Variants in PLA2R1 observed in about 807,000 individuals in gnomAD.
PLA2R1 encodes the protein secretory phospholipase A2 receptor.
Under a neutral mutation model 195.9 loss-of-function variants are expected in PLA2R1, and 158 were observed. The observed-to-expected ratio is 0.81, with a 90% CI of 0.71 to 0.92. The LOEUF (loss-of-function observed/expected upper bound fraction) is 0.92. Among genes scored for constraint, PLA2R1 ranks in the 40% least tolerant of loss-of-function variants. PLA2R1 has a pLI of 0.00. For missense variants in PLA2R1, 1,626 were observed against 1,764.6 expected (o/e 0.92, Z 1.41); for synonymous variants, 586 against 598.2 (o/e 0.98, Z 0.30).
chr2:160,060,275 G>A (rs1400586390), intron 1 of PLA2R1, among the ~76,000 whole-genome samples: 1 of 152,210 alleles, frequency 6.6e-6, no homozygotes, highest in African/African-American at 2.4e-5. Flanking sequence ...GGTAAACTGA[G>A]GCACCCCAAA....
chr2:160,013,581 T>C lies in PLA2R1; in HGVS notation c.1552-206A>G, dbSNP rs971969960. Among the ~76,000 whole-genome samples, 5 of 152,292 alleles carry C rather than the reference T, an allele frequency of 3.3e-5. No individual in the cohort carries two copies. In the East Asian group the frequency reaches 9.6e-4, roughly 29 times the overall value. ...ACTTCTACATTTATTTAATTTATTA[T>C]CTTAAAACCTAAAATTTTTAATTAA... On this transcript the variant is annotated intron_variant, in intron 9 of 29. Transcript: ENST00000283243.
intron 7 of PLA2R1, among the ~76,000 whole-genome samples, chr2:160,021,290 G>GA (rs1367988285): frequency 2.0e-5 from 3 of 151,700 alleles, no homozygotes; most frequent in Non-Finnish European, 2.9e-5. Context: ...TACCCAAAGG[G>GA]AAAAAAATCA....
At chr2:159,930,534 A>G (rs896470251), downstream of PLA2R1, among the ~76,000 whole-genome samples, 3 of 152,140 alleles carry the variant, frequency 2.0e-5, no homozygotes, top group Non-Finnish European at 4.4e-5. Context: ...GTTCCCCCCA[A>G]ACCCCTTGGA....
chr2:159,980,583 C>A (rs1410587963), intron 13 of PLA2R1, among the ~76,000 whole-genome samples: 1 of 152,072 alleles, frequency 6.6e-6, no homozygotes, highest in Non-Finnish European at 1.5e-5. Flanking sequence ...TAAAGCCAGT[C>A]ACCCTGAGCC....
At position 159,939,012 on chromosome 2, in the gene PLA2R1, G is replaced by C. The variant is rs1686961221; in HGVS notation, c.*2766C>G. ...ATAGAACATAATTGACTGTTGGAGG[G>C]GCACATTAACTATGTGTGAATTTGT... On this transcript the variant is annotated 3_prime_UTR_variant, in exon 30 of 30. Transcript: ENST00000283243. The C allele has an allele frequency of 6.6e-6, 1 of 152,064 alleles. No individual in the cohort carries two copies. The highest frequency in any genetic ancestry group is 2.1e-4 in the South Asian group (1 of 4,824). The allele number at this position is 152,064 out of a possible 1,614,324, so 9.4% of individuals were successfully genotyped here. A position where few individuals can be genotyped will look rare whatever the true frequency, so the allele number is the denominator to read the frequency against.
In PLA2R1 at chr2:159,987,153, C is replaced by T. The variant is rs777284639; in HGVS notation, c.2037+3G>A. 3.7e-6 allele frequency: 6 copies of T among 1,606,052 alleles called. No individual in the cohort carries two copies. The East Asian group carries it at 1.3e-4, about 36-fold the overall frequency. ...AAGAATGTCCATGTAACCTTGGTATCACCTTGAAGCAACTGGCCAGACCAG... is the reference window on the plus strand; with the variant it reads ...AAGAATGTCCATGTAACCTTGGTATTACCTTGAAGCAACTGGCCAGACCAG... On this transcript the variant is annotated splice_donor_region_variant and intron_variant, in intron 12 of 29. Transcript: ENST00000283243.
At chr2:159,978,928 C>A (rs138620850) in intron 14 of PLA2R1, among the ~76,000 whole-genome samples, 7 of 152,276 alleles carry the variant, frequency 4.6e-5, no homozygotes, top group African/African-American at 1.7e-4. Flanking sequence ...TGGAGTCAGA[C>A]AACCTGTGTG....
intron 25 of PLA2R1, among the ~76,000 whole-genome samples, chr2:159,948,287 T>G (rs1358701747): frequency 6.6e-6 from 1 of 152,172 alleles, no homozygotes; most frequent in Non-Finnish European, 1.5e-5. Flanking sequence ...TAGGCTGAAG[T>G]GCAGTGGCAC....
chr2:159,925,179 CGTCA>C, the PLA2R1 span, among the ~76,000 whole-genome samples: 2 of 125,820 alleles, frequency 1.6e-5, no homozygotes, highest in African/African-American at 2.8e-5. Context: ...TTATTTTCCA[CGTCA>C]GTTATAAAAA....
At chr2:160,030,173 T>C (rs1693770303) in intron 4 of PLA2R1, among the ~76,000 whole-genome samples, 1 of 152,224 alleles carries the variant, frequency 6.6e-6, no homozygotes, top group African/African-American at 2.4e-5. Flanking sequence ...TTCAATACAA[T>C]TGTGAAAAAC....
intron 11 of PLA2R1, among the ~76,000 whole-genome samples, chr2:159,993,786 A>G (rs571860963): frequency 6.6e-6 from 1 of 152,116 alleles, no homozygotes; most frequent in Non-Finnish European, 1.5e-5. Flanking sequence ...GGACTAAAAC[A>G]TATCAAATAT....
intron 16 of PLA2R1, 103 bp downstream of exon 16, chr2:159,976,582 G>A: frequency 8.0e-6 from 6 of 749,094 alleles, no homozygotes; most frequent in Non-Finnish European, 1.2e-5. Flanking sequence ...AGAAAAGAGA[G>A]GCTCGATTTG....
chr2:160,015,834 A>G (rs1692704258), intron 9 of PLA2R1, among the ~76,000 whole-genome samples: 1 of 152,262 alleles, frequency 6.6e-6, no homozygotes, highest in Admixed American at 6.5e-5. Context: ...TGCAATACAA[A>G]TAACTGGATT....
chr2:160,034,955 T>C (rs1694085377), intron 3 of PLA2R1, among the ~76,000 whole-genome samples: 1 of 152,048 alleles, frequency 6.6e-6, no homozygotes, highest in Non-Finnish European at 1.5e-5. Flanking sequence ...TCGTGATGGG[T>C]TTTGGTCAAT....
chr2:159,950,548 A>G (rs1339132730), intron 24 of PLA2R1, among the ~76,000 whole-genome samples: 2 of 152,258 alleles, frequency 1.3e-5, no homozygotes, highest in African/African-American at 2.4e-5. Context: ...AAGTTGTGGT[A>G]TATCCTTACA....
chr2:159,961,205 T>G (rs1688416730), intron 20 of PLA2R1, among the ~76,000 whole-genome samples: 1 of 152,182 alleles, frequency 6.6e-6, no homozygotes, highest in South Asian at 2.1e-4. Flanking sequence ...GAGAAGGCAC[T>G]GTGGGTGGGG....
chr2:159,970,223 A>T lies in PLA2R1; in HGVS notation c.2596-11T>A, dbSNP rs185640082. 6.3e-7 allele frequency: 1 copy of T among 1,594,972 alleles called. No homozygotes were observed. Among genetic ancestry groups the T allele is most frequent in the East Asian group, 2.2e-5 (1 of 44,626 alleles). ...ACCATACTTTGATAGCTATTGAAAG[A>T]AAAAAAGTCAGCATTTATTCTACTT... On this transcript the variant is annotated splice_polypyrimidine_tract_variant and intron_variant, in intron 17 of 29. Coordinates refer to ENST00000283243, the MANE Select transcript of PLA2R1 (RefSeq NM_007366.5).
chr2:159,996,594 G>A (rs922237571), intron 11 of PLA2R1, among the ~76,000 whole-genome samples: 1 of 151,990 alleles, frequency 6.6e-6, no homozygotes, highest in South Asian at 2.1e-4. Context: ...ATATTAACTT[G>A]GGGGAAATTC....
In PLA2R1 at chr2:160,045,193, C is replaced by CATT. The variant is rs775680762; in HGVS notation, c.110-37_110-36insAAT. ...AATCAAAGATGTGGCATGAAATTTT[C>CATT]ATATATAATTAACTAGCGTCATGAG... is the stretch of plus-strand genomic sequence containing the variant. On this transcript the variant is annotated intron_variant, in intron 1 of 29. Coordinates refer to ENST00000283243, the MANE Select transcript of PLA2R1 (RefSeq NM_007366.5). 2.0e-6 allele frequency: 3 copies of CATT among 1,510,430 alleles called. No individual in the cohort carries two copies. In the South Asian group the frequency reaches 3.6e-5, roughly 18 times the overall value. 93.6% of individuals were successfully genotyped at this position (1,510,430 alleles called of 1,614,324 possible). A position where few individuals can be genotyped will look rare whatever the true frequency, so the allele number is the denominator to read the frequency against.
Sources: allele counts gnomAD v4.1 joint callset (sites outside exome capture counted in the v4.1 genomes callset), GRCh38; gene constraint gnomAD v4.1.1; transcripts MANE v1.5; gene names NCBI Gene and HGNC (gene_info 2026-07-23, HGNC 2026-07-21).